The following IL1RAPL1 variants were observed in gnomAD, a reference collection of about 807,000 sequenced individuals.
IL1RAPL1 encodes interleukin 1 receptor accessory protein like 1, also known as interleukin-1 receptor accessory protein-like 1.
Under a neutral mutation model 48.4 loss-of-function variants are expected in IL1RAPL1, and 3 were observed. The observed-to-expected ratio is 0.06, with a 90% CI of 0.03 to 0.16. IL1RAPL1 has a LOEUF of 0.16. Ranked by LOEUF, IL1RAPL1 falls within the 10% of genes least tolerant of loss-of-function variation. IL1RAPL1 has a pLI of 1.00. For missense variants in IL1RAPL1, 349 were observed against 530.6 expected (o/e 0.66, Z 3.36); for synonymous variants, 185 against 187.7 (o/e 0.99, Z 0.12).
Position 29,422,623 on chromosome X carries a change from A to AT in IL1RAPL1, c.703+23322dup, listed in dbSNP as rs1934304169. On this transcript the variant is annotated intron_variant, in intron 5 of 10. Transcript: ENST00000378993. ...ATGCCTGGGTTGCAATCTAAATGAT[A>AT]TTTTTTTCTTTTTCTAAAATGCCAA... Among the ~76,000 whole-genome samples the AT allele has an allele frequency of 2.7e-5, 3 of 111,931 alleles. No individual in the cohort carries two copies. In the South Asian group the frequency reaches 1.1e-3, roughly 42 times the overall value.
intron 6 of IL1RAPL1, among the ~76,000 whole-genome samples, chrX:29,778,710 T>A (rs1224532547): frequency 8.9e-6 from 1 of 112,210 alleles, no homozygotes; most frequent in African/African-American, 3.2e-5. Context: ...TTTTAGACTC[T>A]TTGCTATCAT....
intron 9 of IL1RAPL1, among the ~76,000 whole-genome samples, chrX:29,952,308 A>G (rs1394344729): frequency 8.9e-6 from 1 of 111,804 alleles, no homozygotes; most frequent in African/African-American, 3.3e-5. Context: ...AGAACAGATT[A>G]CCAGAAAGAA....
chrX:29,198,349 TG>T (rs767369806), intron 2 of IL1RAPL1, among the ~76,000 whole-genome samples: 1 of 110,064 alleles, frequency 9.1e-6, no homozygotes, highest in South Asian at 4.0e-4. Context: ...CAGACTGGAA[TG>T]CAGTGGCATG....
chrX:29,837,272 A>ATATATATAT (rs1555925869), intron 6 of IL1RAPL1, among the ~76,000 whole-genome samples: 8 of 72,102 alleles, frequency 1.1e-4, no homozygotes, highest in African/African-American at 4.7e-4. Flanking sequence ...AAAAAAAAAA[A>ATATATATAT]ATATATATAT....
At chrX:29,079,888 C>G (rs190121279) in intron 2 of IL1RAPL1, among the ~76,000 whole-genome samples, 4 of 110,876 alleles carry the variant, frequency 3.6e-5, no homozygotes, top group Admixed American at 2.9e-4. Context: ...TAAAGACATA[C>G]AAATAAATAA....
intron 2 of IL1RAPL1, among the ~76,000 whole-genome samples, chrX:29,282,084 T>C (rs1317267981): frequency 1.8e-5 from 2 of 111,314 alleles, no homozygotes; most frequent in Non-Finnish European, 3.8e-5. Context: ...CTAACCCTAA[T>C]TACCTCCCAA....
rs1436636454 is a variant in IL1RAPL1 at position 29,217,773 on chromosome X, TCTCTCACACACACACACACACACA to T, written c.83-65163_83-65140del. On this transcript the variant is annotated intron_variant, in intron 2 of 10. Transcript: ENST00000378993. ...TACATTTTTTCTCTCTCTCTCTCTC[TCTCTCACACACACACACACACACA>T]CACACACACACACACACACACTTAC... Among the ~76,000 whole-genome samples the T allele has an allele frequency of 5.6e-5, 4 of 71,071 alleles. No homozygotes were observed. In the East Asian group the frequency reaches 1.5e-3, roughly 27 times the overall value. The allele number at this position is 71,071 out of a possible 115,157, so 61.7% of individuals were successfully genotyped here. A position where few individuals can be genotyped will look rare whatever the true frequency, so the allele number is the denominator to read the frequency against.
At chrX:28,687,302 A>G (rs1935121457) in intron 1 of IL1RAPL1, among the ~76,000 whole-genome samples, 1 of 111,908 alleles carries the variant, frequency 8.9e-6, no homozygotes, top group South Asian at 3.7e-4. Flanking sequence ...AGGTAAGCCA[A>G]TCTGCTGAAT....
intron 6 of IL1RAPL1, among the ~76,000 whole-genome samples, chrX:29,845,547 A>T (rs1215817575): frequency 2.7e-5 from 3 of 112,076 alleles, no homozygotes; most frequent in African/African-American, 9.7e-5. Context: ...GAATATTAAC[A>T]CAAAACATGA....
chrX:28,659,202 C>T (rs1476163220), intron 1 of IL1RAPL1: 11 of 753,786 alleles, frequency 1.5e-5, no homozygotes, highest in African/African-American at 8.3e-5. Flanking sequence ...TGCAAAGCAC[C>T]GATAGCTGCA....
At chrX:29,094,139 ATTAT>A (rs1406867456) in intron 2 of IL1RAPL1, among the ~76,000 whole-genome samples, 1 of 111,925 alleles carries the variant, frequency 8.9e-6, no homozygotes, top group East Asian at 2.8e-4. Flanking sequence ...CCCCTAAAAA[ATTAT>A]TTCTTGTACC....
intron 5 of IL1RAPL1, among the ~76,000 whole-genome samples, chrX:29,592,659 CA>C (rs1569346219): frequency 8.9e-6 from 1 of 112,256 alleles, no homozygotes; most frequent in Non-Finnish European, 1.9e-5. Context: ...TTCCCATTGC[CA>C]TCACCTTCTG....
intron 2 of IL1RAPL1, among the ~76,000 whole-genome samples, chrX:28,914,075 A>C (rs1209963662): frequency 9.0e-6 from 1 of 111,493 alleles, no homozygotes; most frequent in Non-Finnish European, 1.9e-5. Flanking sequence ...GAATGAGATA[A>C]ATTTCAGAAA....
chrX:28,659,083 G>A, intron 1 of IL1RAPL1: 3 of 668,190 alleles, frequency 4.5e-6, no homozygotes, highest in Non-Finnish European at 7.2e-6. Context: ...CTCCACGTAT[G>A]CAGCCTGCTA....
At chrX:29,146,286 C>T (rs1236184800) in intron 2 of IL1RAPL1, among the ~76,000 whole-genome samples, 1 of 111,420 alleles carries the variant, frequency 9.0e-6, no homozygotes, top group Non-Finnish European at 1.9e-5. Context: ...TCTAGCTGAA[C>T]TGCTCTTCCA....
At chrX:29,831,714 G>A (rs1332587910) in intron 6 of IL1RAPL1, among the ~76,000 whole-genome samples, 3 of 111,512 alleles carry the variant, frequency 2.7e-5, no homozygotes, top group African/African-American at 9.8e-5. Flanking sequence ...GCATACTTAA[G>A]TCCTGAAAGT....
chrX:29,784,302 A>G (rs921082207), intron 6 of IL1RAPL1, among the ~76,000 whole-genome samples: 3 of 110,987 alleles, frequency 2.7e-5, no homozygotes, highest in African/African-American at 9.8e-5. Context: ...TATGTGTTTA[A>G]CTCTACTAGA....
intron 2 of IL1RAPL1, among the ~76,000 whole-genome samples, chrX:28,925,247 A>G (rs760045764): frequency 1.9e-4 from 21 of 111,909 alleles, no homozygotes; most frequent in Non-Finnish European, 3.0e-4. Context: ...GATAAAACAA[A>G]TTAATACTTT....
intron 7 of IL1RAPL1, among the ~76,000 whole-genome samples, chrX:29,918,106 G>A (rs189682471): frequency 2.0e-5 from 1 of 50,126 alleles, no homozygotes; most frequent in South Asian, 1.9e-3. Context: ...CTGAACAACA[G>A]AGTGAGACTC....
Sources: allele counts gnomAD v4.1 joint callset (sites outside exome capture counted in the v4.1 genomes callset), GRCh38; gene constraint gnomAD v4.1.1; transcripts MANE v1.5; gene names NCBI Gene and HGNC (gene_info 2026-07-23, HGNC 2026-07-21).